The following SLC2A13 variants were observed in gnomAD, a reference collection of about 807,000 sequenced individuals.
The protein encoded by SLC2A13 is solute carrier family 2 member 13.
Under a neutral mutation model 64.4 loss-of-function variants are expected in SLC2A13, and 32 were observed. That is an observed-to-expected ratio of 0.50 (90% CI 0.37 to 0.67). The LOEUF (loss-of-function observed/expected upper bound fraction) is 0.67, where lower values mean the gene tolerates loss of function less well. Ranked by LOEUF, SLC2A13 falls within the 30% of genes least tolerant of loss-of-function variation. SLC2A13 has a pLI of 0.00. For synonymous variants in SLC2A13, 338 were observed against 327.1 expected (o/e 1.03, Z -0.36); for missense variants, 743 against 829.2 (o/e 0.90, Z 1.28).
chr12:40,065,737 A>T (rs779172749), intron 1 of SLC2A13, among the ~76,000 whole-genome samples: 4 of 152,380 alleles, frequency 2.6e-5, no homozygotes, highest in Non-Finnish European at 4.4e-5. Context: ...GTGATACTTT[A>T]TTACAAAACA....
rs1944770616 is a variant in SLC2A13 at position 39,895,743 on chromosome 12, TGTATATGCGTGTATACGTACACAC to T, written c.1035-23806_1035-23783del. On this transcript the variant is annotated intron_variant, in intron 4 of 9. Coordinates refer to ENST00000280871, the MANE Select transcript of SLC2A13 (RefSeq NM_052885.4). ...GTATATGCGTGTATACGTACACACA[TGTATATGCGTGTATACGTACACAC>T]ATGTATATGCGTGTATACGTACACA... Among the ~76,000 whole-genome samples, 2 of 115,332 alleles carry T rather than the reference TGTATATGCGTGTATACGTACACAC, an allele frequency of 1.7e-5. 1 individual carries two copies. Among genetic ancestry groups the T allele is most frequent in the African/African-American group, 6.4e-5 (2 of 31,234 alleles). 75.7% of individuals were successfully genotyped at this position (115,332 alleles called of 152,430 possible).
At chr12:39,923,690 G>GCACACACA (rs1195057830) in intron 4 of SLC2A13, among the ~76,000 whole-genome samples, 3 of 36,484 alleles carry the variant, frequency 8.2e-5, no homozygotes, top group South Asian at 1.7e-3. Context: ...ATATATATGC[G>GCACACACA]CACGCGCACA....
chr12:39,827,291 T>A (rs557749346), intron 7 of SLC2A13, among the ~76,000 whole-genome samples: 1 of 152,282 alleles, frequency 6.6e-6, no homozygotes, highest in South Asian at 2.1e-4. Flanking sequence ...TTGGTTTTGC[T>A]TTTTCATGTG....
intron 1 of SLC2A13, among the ~76,000 whole-genome samples, chr12:40,083,926 G>C (rs977339126): frequency 5.9e-5 from 9 of 152,190 alleles, no homozygotes; most frequent in African/African-American, 2.2e-4. Context: ...TCAGTGGAGA[G>C]ACAGGCTGTG....
chr12:40,069,234 T>C (rs761850414), intron 1 of SLC2A13, among the ~76,000 whole-genome samples: 1 of 152,156 alleles, frequency 6.6e-6, no homozygotes, highest in Non-Finnish European at 1.5e-5. Flanking sequence ...TCTCAAAGTC[T>C]TTCTGGTATT....
intron 7 of SLC2A13, among the ~76,000 whole-genome samples, chr12:39,786,260 C>A (rs1179792145): frequency 6.6e-6 from 1 of 152,048 alleles, no homozygotes; most frequent in African/African-American, 2.4e-5. Context: ...ATGCTATCCT[C>A]GTGATAGCGA....
chr12:39,901,503 C>G (rs1489751849), intron 4 of SLC2A13, among the ~76,000 whole-genome samples: 25 of 134,036 alleles, frequency 1.9e-4, no homozygotes, highest in African/African-American at 8.4e-5. Context: ...AAGAAAAAAA[C>G]AAACAACCCC....
At chr12:39,764,326 C>T (rs1225448729) in intron 9 of SLC2A13, 134 bp downstream of exon 9, 1 of 768,382 alleles carries the variant, frequency 1.3e-6, no homozygotes, top group East Asian at 2.9e-5. Flanking sequence ...CTTTGGAGGA[C>T]AAGAAAGCCA....
In SLC2A13 at chr12:39,766,862, G is replaced by A. The variant is rs138041984; in HGVS notation, c.1446-2004C>T. Among the ~76,000 whole-genome samples, 648 of 152,072 alleles carry A rather than the reference G, an allele frequency of 4.3e-3. 4 individuals carry two copies. Among genetic ancestry groups the A allele is most frequent in the Admixed American group, 7.0e-3 (107 of 15,264 alleles). On this transcript the variant is annotated intron_variant, in intron 7 of 9. Transcript: ENST00000280871. The stretch of plus-strand genomic sequence containing the variant: ...CAATTCAGTCACATCTTTAGGCTTC[G>A]CTTCTACAATAGTTCTCTTGCTGTT...
At chr12:39,985,258 AGTTT>A (rs1021138053) in intron 3 of SLC2A13, among the ~76,000 whole-genome samples, 2 of 152,020 alleles carry the variant, frequency 1.3e-5, no homozygotes, top group Non-Finnish European at 2.9e-5. Flanking sequence ...TCTTGGTGTT[AGTTT>A]GTTAGAATTC....
chr12:39,774,090 C>A (rs1460380909), intron 7 of SLC2A13, among the ~76,000 whole-genome samples: 2 of 152,140 alleles, frequency 1.3e-5, no homozygotes, highest in South Asian at 2.1e-4. Context: ...AGAAAGTTAA[C>A]CCTAATAGTT....
chr12:39,828,215 A>G (rs1475331343), intron 7 of SLC2A13, among the ~76,000 whole-genome samples: 1 of 152,176 alleles, frequency 6.6e-6, no homozygotes. Context: ...TCCACCTAGA[A>G]GGAGCACCGT....
intron 4 of SLC2A13, among the ~76,000 whole-genome samples, chr12:39,892,013 C>A (rs973353956): frequency 6.6e-6 from 1 of 152,118 alleles, no homozygotes; most frequent in Non-Finnish European, 1.5e-5. Flanking sequence ...TTAATTCATA[C>A]ATTAATTCTA....
chr12:40,093,327 G>A (rs1565624711), intron 1 of SLC2A13, among the ~76,000 whole-genome samples: 3 of 152,094 alleles, frequency 2.0e-5, no homozygotes, highest in Admixed American at 2.0e-4. Flanking sequence ...TCCAATCTCA[G>A]CTCAAAATTA....
intron 7 of SLC2A13, among the ~76,000 whole-genome samples, chr12:39,820,717 TTATA>T (rs11272834): frequency 3.8e-4 from 51 of 132,512 alleles, no homozygotes; most frequent in South Asian, 1.3e-3. Context: ...ATTTTTAAAT[TTATA>T]TATATATATA....
chr12:40,100,970 A>C (rs1282580423), intron 1 of SLC2A13, among the ~76,000 whole-genome samples: 1 of 3,236 alleles, frequency 3.1e-4, no homozygotes, highest in African/African-American at 2.1e-3. Context: ...CATCTCAGAC[A>C]AAAAAAAAAA....
chr12:39,974,243 T>TG (rs1293182888), intron 3 of SLC2A13, among the ~76,000 whole-genome samples: 1 of 152,228 alleles, frequency 6.6e-6, no homozygotes, highest in African/African-American at 2.4e-5. Flanking sequence ...AGCTAGAACT[T>TG]AGTCAAGAAT....
chr12:39,858,504 T>C (rs1216315011), intron 6 of SLC2A13, among the ~76,000 whole-genome samples: 1 of 152,254 alleles, frequency 6.6e-6, no homozygotes, highest in African/African-American at 2.4e-5. Flanking sequence ...CATAATATTA[T>C]ATTCACTGTC....
chr12:39,786,727 C>A (rs1941201950), intron 7 of SLC2A13, among the ~76,000 whole-genome samples: 1 of 152,152 alleles, frequency 6.6e-6, no homozygotes, highest in Non-Finnish European at 1.5e-5. Context: ...TGGGCTCAGC[C>A]TTGGTGGGTG....
Sources: allele counts gnomAD v4.1 joint callset (sites outside exome capture counted in the v4.1 genomes callset), GRCh38; gene constraint gnomAD v4.1.1; transcripts MANE v1.5; gene names NCBI Gene and HGNC (gene_info 2026-07-23, HGNC 2026-07-21).